The following GRM5 variants were observed in gnomAD, a reference collection of about 807,000 sequenced individuals.
The protein encoded by GRM5 is metabotropic glutamate receptor 5.
A neutral mutation model predicts 83.1 loss-of-function variants in GRM5; 19 were observed. The ratio of observed to expected loss-of-function variants is 0.23; its 90% CI spans 0.16 to 0.34. The LOEUF (loss-of-function observed/expected upper bound fraction) is 0.34, where lower values mean the gene tolerates loss of function less well. Among genes scored for constraint, GRM5 ranks in the 10% least tolerant of loss-of-function variants. The pLI is 1.00. For synonymous variants in GRM5, 675 were observed against 633.6 expected, an observed-to-expected ratio of 1.07 and a Z score of -0.98; for missense variants, 1,160 against 1,588.3, an observed-to-expected ratio of 0.73 and a Z score of 4.58.
At chr11:88,795,019 A>C (rs1417855547) in intron 3 of GRM5, among the ~76,000 whole-genome samples, 1 of 152,254 alleles carries the variant, frequency 6.6e-6, no homozygotes, top group Non-Finnish European at 1.5e-5. Context: ...ACCAAAATGC[A>C]ATAAGTAGAA....
intron 2 of GRM5, among the ~76,000 whole-genome samples, chr11:88,871,878 G>A (rs1042269337): frequency 2.7e-5 from 4 of 150,800 alleles, no homozygotes; most frequent in African/African-American, 7.3e-5. Flanking sequence ...GGAGATAATA[G>A]GTTAGAAATA....
intron 2 of GRM5, among the ~76,000 whole-genome samples, chr11:88,917,458 A>G (rs1355730874): frequency 1.3e-5 from 2 of 152,126 alleles, no homozygotes; most frequent in Non-Finnish European, 2.9e-5. Flanking sequence ...AAGTATTAAG[A>G]CCATCTAGGA....
chr11:89,007,092 C>T (rs917046106), intron 2 of GRM5, among the ~76,000 whole-genome samples: 1 of 152,304 alleles, frequency 6.6e-6, no homozygotes, highest in African/African-American at 2.4e-5. Flanking sequence ...CCACGGCGCC[C>T]GGCCCAAATC....
intron 3 of GRM5, among the ~76,000 whole-genome samples, chr11:88,770,689 T>C (rs1484137827): frequency 6.6e-6 from 1 of 152,128 alleles, no homozygotes; most frequent in Non-Finnish European, 1.5e-5. Context: ...TTTTATCACA[T>C]GAAAGGAGTA....
intron 4 of GRM5, among the ~76,000 whole-genome samples, chr11:88,639,708 C>T (rs1411211748): frequency 1.3e-5 from 2 of 152,052 alleles, no homozygotes; most frequent in African/African-American, 2.4e-5. Flanking sequence ...CTGCCTCAGC[C>T]TCCCGAGTAG....
At chr11:88,611,705 A>C (rs543309988) in intron 4 of GRM5, among the ~76,000 whole-genome samples, 36 of 152,194 alleles carry the variant, frequency 2.4e-4, no homozygotes, top group Non-Finnish European at 2.5e-4. Flanking sequence ...TTCACATCTC[A>C]ATTTCAATCA....
chr11:88,611,237 G>A (rs904993533), intron 4 of GRM5, among the ~76,000 whole-genome samples: 8 of 152,184 alleles, frequency 5.3e-5, no homozygotes. Context: ...TGTAGAATGA[G>A]TTAGGGAGGA....
intron 3 of GRM5, among the ~76,000 whole-genome samples, chr11:88,705,159 A>C (rs879468849): frequency 8.6e-5 from 13 of 151,924 alleles, no homozygotes; most frequent in Non-Finnish European, 1.6e-4. Flanking sequence ...CTCACTTTCT[A>C]CTCTGTCCAG....
intron 9 of GRM5, among the ~76,000 whole-genome samples, chr11:88,522,603 C>CTCTCTGTGTGTGTG (rs1206475339): frequency 3.9e-5 from 5 of 127,218 alleles, no homozygotes; most frequent in African/African-American, 1.4e-4. Flanking sequence ...CTCTCTCTCT[C>CTCTCTGTGTGTGTG]TGTGTGTGTG....
At chr11:89,035,108 G>A (rs4237549) in intron 2 of GRM5, among the ~76,000 whole-genome samples, 139,722 of 151,644 alleles carry the variant, frequency 0.92, 64,364 homozygotes, top group Non-Finnish European at 0.93. Context: ...GAAAACAGTA[G>A]AATTCAATTT....
chr11:88,689,777 C>A (rs1940733933), intron 3 of GRM5, among the ~76,000 whole-genome samples: 1 of 152,184 alleles, frequency 6.6e-6, no homozygotes, highest in African/African-American at 2.4e-5. Context: ...TACCTGTGCA[C>A]TGTTCTTGCC....
chr11:89,031,477 A>T (rs1410481486), intron 2 of GRM5, among the ~76,000 whole-genome samples: 1 of 151,946 alleles, frequency 6.6e-6, no homozygotes, highest in Admixed American at 6.6e-5. Flanking sequence ...GAGGGCTCCC[A>T]AACTGGCAAT....
At chr11:88,640,303 A>G (rs1032511197) in intron 4 of GRM5, among the ~76,000 whole-genome samples, 1 of 152,172 alleles carries the variant, frequency 6.6e-6, no homozygotes, top group Admixed American at 6.5e-5. Context: ...TTGTTCTAGT[A>G]TAGTCTTTCC....
intron 2 of GRM5, among the ~76,000 whole-genome samples, chr11:88,945,963 G>C (rs1416739678): frequency 2.0e-5 from 3 of 151,962 alleles, no homozygotes; most frequent in Non-Finnish European, 4.4e-5. Context: ...TGTCAGAATG[G>C]AAGAAAATAT....
chr11:88,680,156 G>A (rs945599788), intron 3 of GRM5, among the ~76,000 whole-genome samples: 1 of 152,108 alleles, frequency 6.6e-6, no homozygotes, highest in African/African-American at 2.4e-5. Flanking sequence ...ATGAATACAT[G>A]TGCCATGTAG....
At chr11:89,037,696 T>C (rs897937626) in intron 2 of GRM5, among the ~76,000 whole-genome samples, 3 of 152,094 alleles carry the variant, frequency 2.0e-5, no homozygotes, top group African/African-American at 7.2e-5. Flanking sequence ...TTTCCTACCA[T>C]GGGTGCCTTG....
intron 3 of GRM5, among the ~76,000 whole-genome samples, chr11:88,674,375 A>G (rs1940269827): frequency 1.3e-5 from 2 of 152,006 alleles, no homozygotes; most frequent in East Asian, 1.9e-4. Context: ...ATTTTATCCT[A>G]TGACTCCAAT....
intron 2 of GRM5, among the ~76,000 whole-genome samples, chr11:88,904,355 A>G (rs1360610370): frequency 6.6e-6 from 1 of 152,186 alleles, no homozygotes; most frequent in African/African-American, 2.4e-5. Flanking sequence ...TAATTTATTT[A>G]TAATTAATTC....
chr11:88,871,492 C>G (rs1161453824), intron 2 of GRM5, among the ~76,000 whole-genome samples: 2 of 151,534 alleles, frequency 1.3e-5, no homozygotes, highest in African/African-American at 4.8e-5. Flanking sequence ...AAGAAGGCAG[C>G]AAGACATGGT....
Sources: gnomAD v4.1 joint callset for allele counts (sites outside exome capture counted in the v4.1 genomes callset) on GRCh38, gnomAD v4.1.1 for gene constraint, MANE v1.5 for transcripts, NCBI Gene and HGNC (gene_info 2026-07-23, HGNC 2026-07-21) for gene names.